Variants in ZNF804B observed in about 807,000 individuals in gnomAD.
The protein encoded by ZNF804B is zinc finger 804B.
ZNF804B carries 80 observed loss-of-function variants against 101.4 expected under a neutral mutation model. The observed-to-expected ratio is 0.79, with a 90% CI of 0.66 to 0.95. The LOEUF is 0.95. ZNF804B is among the 40% of genes least tolerant of loss of function. The pLI is 0.00. For synonymous variants in ZNF804B, 622 were observed against 558.8 expected (o/e 1.11, Z -1.59); for missense variants, 1,673 against 1,561.9 (o/e 1.07, Z -1.20).
chr7:89,304,712 A>G (rs1790534868), intron 2 of ZNF804B, among the ~76,000 whole-genome samples: 1 of 151,948 alleles, frequency 6.6e-6, no homozygotes, highest in Non-Finnish European at 1.5e-5. Context: ...CAGCTATGTC[A>G]TGGCAGTATA....
intron 1 of ZNF804B, chr7:88,794,133 A>C: frequency 1.4e-6 from 2 of 1,473,104 alleles, no homozygotes; most frequent in Non-Finnish European, 1.8e-6. Context: ...TTTTTATTTA[A>C]GTAGCACAAA....
At chr7:89,185,040 T>G (rs1340128774) in intron 1 of ZNF804B, among the ~76,000 whole-genome samples, 1 of 152,176 alleles carries the variant, frequency 6.6e-6, no homozygotes, top group Non-Finnish European at 1.5e-5. Flanking sequence ...TATTGAATTA[T>G]GGACTCTAAG....
chr7:89,131,999 C>T (rs35415012), intron 1 of ZNF804B, among the ~76,000 whole-genome samples: 48 of 151,978 alleles, frequency 3.2e-4, no homozygotes, highest in Non-Finnish European at 5.4e-4. Context: ...GGTGATATTA[C>T]CTATATGATT....
At chr7:89,210,786 A>T (rs780879868) in intron 1 of ZNF804B, among the ~76,000 whole-genome samples, 1 of 152,184 alleles carries the variant, frequency 6.6e-6, no homozygotes, top group Admixed American at 6.5e-5. Context: ...TGCGATTGTG[A>T]ATAGTGCTGC....
At chr7:89,215,355 A>T (rs1212962158) in intron 1 of ZNF804B, among the ~76,000 whole-genome samples, 1 of 152,202 alleles carries the variant, frequency 6.6e-6, no homozygotes, top group East Asian at 1.9e-4. Flanking sequence ...GAAATATAGA[A>T]TGTTTAGATG....
rs1236376855 is a variant in ZNF804B at position 89,244,242 on chromosome 7, A to T, written c.249+25947A>T. 3.3e-5 allele frequency among the ~76,000 whole-genome samples: 5 copies of T among 152,066 alleles called. 1 individual carries two copies. Among genetic ancestry groups the T allele is most frequent in the Non-Finnish European group, 7.4e-5 (5 of 67,940 alleles). ...GGAGTAATGTTTGTTTATCTCTCAG[A>T]ATTTGCTATACAGCTTATGACAAAG... is the stretch of plus-strand genomic sequence containing the variant. On this transcript the variant is annotated intron_variant, in intron 2 of 3. Transcript: ENST00000333190.
intron 1 of ZNF804B, among the ~76,000 whole-genome samples, chr7:89,083,727 T>C (rs1789731675): frequency 6.6e-6 from 1 of 151,896 alleles, no homozygotes; most frequent in Non-Finnish European, 1.5e-5. Context: ...CGTTAAACTT[T>C]GAAGATTTTT....
chr7:88,782,557 G>A (rs1790245382), intron 1 of ZNF804B, among the ~76,000 whole-genome samples: 1 of 151,840 alleles, frequency 6.6e-6, no homozygotes, highest in Non-Finnish European at 1.5e-5. Flanking sequence ...TATTTACACA[G>A]GCATTTTATT....
chr7:88,855,843 A>C (rs1382716127), intron 1 of ZNF804B, among the ~76,000 whole-genome samples: 1 of 152,094 alleles, frequency 6.6e-6, no homozygotes, highest in Non-Finnish European at 1.5e-5. Flanking sequence ...TTTTCCCAGC[A>C]CCATTTATTA....
chr7:88,983,187 G>T (rs1793716430), intron 1 of ZNF804B, among the ~76,000 whole-genome samples: 1 of 152,058 alleles, frequency 6.6e-6, no homozygotes, highest in East Asian at 1.9e-4. Context: ...AAGCTTGCTA[G>T]CAATGAAGAC....
intron 2 of ZNF804B, among the ~76,000 whole-genome samples, chr7:89,309,491 G>T (rs1790616621): frequency 6.6e-6 from 1 of 151,998 alleles, no homozygotes; most frequent in South Asian, 2.1e-4. Flanking sequence ...GCCAGGCATG[G>T]TGGCTCATGC....
chr7:89,331,208 G>T (rs1257533926), intron 3 of ZNF804B, among the ~76,000 whole-genome samples: 1 of 151,464 alleles, frequency 6.6e-6, no homozygotes, highest in African/African-American at 2.4e-5. Context: ...CCAAATTGTG[G>T]CTACAAATAT....
At chr7:89,272,055 T>C (rs1789906939) in intron 2 of ZNF804B, among the ~76,000 whole-genome samples, 1 of 152,090 alleles carries the variant, frequency 6.6e-6, no homozygotes, top group Non-Finnish European at 1.5e-5. Context: ...ATTTTTAAAT[T>C]ATTCTCATTT....
At chr7:88,807,476 G>C (rs1050812804) in intron 1 of ZNF804B, among the ~76,000 whole-genome samples, 1 of 152,144 alleles carries the variant, frequency 6.6e-6, no homozygotes, top group Non-Finnish European at 1.5e-5. Context: ...AAGAATGATC[G>C]CTCTGAATAC....
In ZNF804B at chr7:89,149,862, C is replaced by T. The variant is rs575181560; in HGVS notation, c.109-68293C>T. On this transcript the variant is annotated intron_variant, in intron 1 of 3. Coordinates refer to ENST00000333190, the MANE Select transcript of ZNF804B (RefSeq NM_181646.5). ...ATTTGCCCAGTAGGTACTTATTTCACATATTCACTGTTGACAGTTGGACTC... is the reference window on the plus strand; with the variant it reads ...ATTTGCCCAGTAGGTACTTATTTCATATATTCACTGTTGACAGTTGGACTC... 9.9e-5 allele frequency among the ~76,000 whole-genome samples: 15 copies of T among 151,874 alleles called. No individual in the cohort carries two copies. In the South Asian group the frequency reaches 3.1e-3, roughly 32 times the overall value.
chr7:89,219,951 A>G (rs13312628), intron 2 of ZNF804B, among the ~76,000 whole-genome samples: 13 of 144,956 alleles, frequency 9.0e-5, no homozygotes, highest in Admixed American at 7.0e-4. Flanking sequence ...ATATGTATAT[A>G]CATATATGTG....
chr7:88,883,353 G>C (rs1053124036), intron 1 of ZNF804B, among the ~76,000 whole-genome samples: 8 of 152,084 alleles, frequency 5.3e-5, no homozygotes, highest in African/African-American at 1.9e-4. Context: ...TAGGCAGAGA[G>C]TTGGTGTTTC....
intron 1 of ZNF804B, among the ~76,000 whole-genome samples, chr7:89,089,201 T>G (rs894177525): frequency 3.3e-5 from 5 of 151,784 alleles, no homozygotes; most frequent in Non-Finnish European, 7.4e-5. Flanking sequence ...TTTATATGAT[T>G]AACTCTATTT....
In ZNF804B at chr7:89,125,942, A is replaced by G. The variant is rs188078547; in HGVS notation, c.109-92213A>G. ...TGTAGGGCACTCAAGAAGATACACT[A>G]TGATGGCAAGCACATTACTCTGCCT... On this transcript the variant is annotated intron_variant, in intron 1 of 3. Coordinates refer to ENST00000333190, the MANE Select transcript of ZNF804B (RefSeq NM_181646.5). Among the ~76,000 whole-genome samples the G allele has an allele frequency of 3.0e-3, 455 of 152,190 alleles. 4 individuals are homozygous for G. The highest frequency in any genetic ancestry group is 1.0e-2 in the African/African-American group (414 of 41,556).
Sources: gnomAD v4.1 joint callset for allele counts (sites outside exome capture counted in the v4.1 genomes callset) on GRCh38, gnomAD v4.1.1 for gene constraint, MANE v1.5 for transcripts, NCBI Gene and HGNC (gene_info 2026-07-23, HGNC 2026-07-21) for gene names.